MDFIC: variants seen among roughly 807,000 people sequenced by gnomAD.
The protein encoded by MDFIC is myoD family inhibitor domain-containing protein.
A neutral mutation model predicts 23.2 loss-of-function variants in MDFIC; 17 were observed. That is an observed-to-expected ratio of 0.73 (90% confidence interval 0.50 to 1.10). MDFIC has a LOEUF of 1.10. Among genes scored for constraint, MDFIC ranks in the 50% least tolerant of loss-of-function variants. The pLI, the probability that MDFIC is intolerant of heterozygous loss-of-function variation, is 0.00. For missense variants in MDFIC, 356 were observed against 316.6 expected, an observed-to-expected ratio of 1.12 and a Z score of -0.95; for synonymous variants, 120 against 115.2, an observed-to-expected ratio of 1.04 and a Z score of -0.27.
At chr7:114,992,281 T>A (rs1290626212) in intron 4 of MDFIC, among the ~76,000 whole-genome samples, 1 of 152,126 alleles carries the variant, frequency 6.6e-6, no homozygotes, top group African/African-American at 2.4e-5. Context: ...AATATACAAT[T>A]ACGTCATCTG....
chr7:114,955,949 A>G (rs1459123880), intron 3 of MDFIC, among the ~76,000 whole-genome samples: 1 of 152,214 alleles, frequency 6.6e-6, no homozygotes, highest in Non-Finnish European at 1.5e-5. Flanking sequence ...TGAGCTCAGA[A>G]AAGTCAAGCA....
intron 4 of MDFIC, among the ~76,000 whole-genome samples, chr7:114,995,238 A>T (rs1791297509): frequency 6.6e-6 from 1 of 152,158 alleles, no homozygotes; most frequent in Admixed American, 6.6e-5. Context: ...TATTCTAGTT[A>T]GCCATTTGTC....
intron 4 of MDFIC, among the ~76,000 whole-genome samples, chr7:115,001,856 G>A (rs963978062): frequency 6.6e-6 from 1 of 152,140 alleles, no homozygotes; most frequent in African/African-American, 2.4e-5. Context: ...TGGCCTCCTG[G>A]CCCGGCACAC....
chr7:114,977,052 A>G (rs913394324), intron 3 of MDFIC, among the ~76,000 whole-genome samples: 1 of 152,180 alleles, frequency 6.6e-6, no homozygotes, highest in Admixed American at 6.5e-5. Context: ...AAAAAGACTA[A>G]TTAAAACAGT....
chr7:114,961,689 A>G (rs1039914977), intron 3 of MDFIC, among the ~76,000 whole-genome samples: 1 of 152,192 alleles, frequency 6.6e-6, no homozygotes, highest in Non-Finnish European at 1.5e-5. Flanking sequence ...ACATAATTAC[A>G]TGGCCAGAGC....
intron 3 of MDFIC, among the ~76,000 whole-genome samples, chr7:114,977,663 A>G (rs1793342874): frequency 6.6e-6 from 1 of 152,166 alleles, no homozygotes; most frequent in Non-Finnish European, 1.5e-5. Flanking sequence ...TGGACAACAC[A>G]ACACAACAGG....
At position 114,932,739 on chromosome 7, in the gene MDFIC, G is replaced by A. The variant is rs564587782; in HGVS notation, c.95-9536G>A. Among the ~76,000 whole-genome samples the A allele has an allele frequency of 1.4e-4, 22 of 152,312 alleles. No individual in the cohort carries two copies. The South Asian group carries it at 4.4e-3, about 30-fold the overall frequency. On this transcript the variant is annotated intron_variant, in intron 2 of 4. Coordinates refer to ENST00000393486, the MANE Select transcript of MDFIC (RefSeq NM_001166345.3). ...CTCATTGCTCTACAGCAAGGGTGGGGAGGACCCAGAAATTGAGAGGCTGAG... is the reference window on the plus strand; with the variant it reads ...CTCATTGCTCTACAGCAAGGGTGGGAAGGACCCAGAAATTGAGAGGCTGAG...
intron 4 of MDFIC, among the ~76,000 whole-genome samples, chr7:114,991,302 C>G (rs1047407120): frequency 1.2e-4 from 19 of 152,074 alleles, no homozygotes; most frequent in African/African-American, 4.6e-4. Context: ...TGTAGGTTGC[C>G]TGTTCACTCT....
rs531365325 is a variant in MDFIC at position 114,948,179 on chromosome 7, T to C, written c.217+5782T>C. Reference sequence around the variant, plus strand: ...GCCTCTATTATTTCAGACGTTAAGGTCCTGAGATGAAGGTTCTAAATCACT... The same window carrying C: ...GCCTCTATTATTTCAGACGTTAAGGCCCTGAGATGAAGGTTCTAAATCACT... On this transcript the variant is annotated intron_variant, in intron 3 of 4. Transcript: ENST00000393486. Among the ~76,000 whole-genome samples the C allele has an allele frequency of 3.3e-5, 5 of 151,768 alleles. No homozygotes were observed. The East Asian group carries it at 7.8e-4, about 24-fold the overall frequency.
chr7:114,924,890 A>C (rs969249127), intron 2 of MDFIC, among the ~76,000 whole-genome samples: 5 of 152,144 alleles, frequency 3.3e-5, no homozygotes, highest in Admixed American at 6.6e-5. Context: ...AAGCTTGGTT[A>C]GGTTGGTTTT....
intron 3 of MDFIC, among the ~76,000 whole-genome samples, chr7:114,978,360 G>A (rs945154055): frequency 1.3e-5 from 2 of 151,824 alleles, no homozygotes; most frequent in South Asian, 2.1e-4. Context: ...ATAATAAATC[G>A]GAGAGAATTA....
chr7:114,976,759 G>C (rs1793323976), intron 3 of MDFIC, among the ~76,000 whole-genome samples: 1 of 151,954 alleles, frequency 6.6e-6, no homozygotes, highest in African/African-American at 2.4e-5. Context: ...AGAATATTTT[G>C]ATATGTTAAG....
At chr7:114,925,458 C>T (rs1357287034) in intron 2 of MDFIC, among the ~76,000 whole-genome samples, 2 of 152,178 alleles carry the variant, frequency 1.3e-5, no homozygotes, top group African/African-American at 4.8e-5. Flanking sequence ...GCATACTCTT[C>T]CTCCTTAAAG....
chr7:114,947,194 T>C (rs1487250401), intron 3 of MDFIC, among the ~76,000 whole-genome samples: 2 of 152,180 alleles, frequency 1.3e-5, no homozygotes, highest in Non-Finnish European at 2.9e-5. Flanking sequence ...TATCATATTA[T>C]GTTTCTTGGG....
At chr7:114,960,171 G>T (rs934004630) in intron 3 of MDFIC, among the ~76,000 whole-genome samples, 1 of 152,178 alleles carries the variant, frequency 6.6e-6, no homozygotes, top group African/African-American at 2.4e-5. Context: ...CACGGGGTTG[G>T]TGAAGGGTCA....
intron 3 of MDFIC, among the ~76,000 whole-genome samples, chr7:114,964,298 A>C (rs897297519): frequency 2.0e-5 from 3 of 152,212 alleles, no homozygotes; most frequent in Non-Finnish European, 2.9e-5. Flanking sequence ...CAGGTTTTAA[A>C]AATCATCAGG....
At chr7:114,988,992 G>A (rs1793558034) in intron 4 of MDFIC, among the ~76,000 whole-genome samples, 1 of 152,076 alleles carries the variant, frequency 6.6e-6, no homozygotes, top group South Asian at 2.1e-4. Context: ...TTGTGTGCTT[G>A]GGAGACAATC....
At chr7:114,993,697 C>T (rs774517127) in intron 4 of MDFIC, among the ~76,000 whole-genome samples, 6 of 152,144 alleles carry the variant, frequency 3.9e-5, no homozygotes, top group Admixed American at 2.0e-4. Context: ...AGTTTGATTG[C>T]GCTGTGGTCT....
intron 4 of MDFIC, among the ~76,000 whole-genome samples, chr7:115,012,026 A>G (rs1344556872): frequency 6.6e-6 from 1 of 152,200 alleles, no homozygotes; most frequent in South Asian, 2.1e-4. Context: ...TTCCTCAGCC[A>G]TGTAATCCCA....
Sources: gnomAD v4.1 joint callset for allele counts (sites outside exome capture counted in the v4.1 genomes callset) on GRCh38, gnomAD v4.1.1 for gene constraint, MANE v1.5 for transcripts, NCBI Gene and HGNC (gene_info 2026-07-23, HGNC 2026-07-21) for gene names.